Variants in PXK observed in about 807,000 individuals in gnomAD.
PXK encodes PX domain-containing protein kinase-like protein.
A neutral mutation model predicts 84.7 loss-of-function variants in PXK; 35 were observed. That is an observed-to-expected ratio of 0.41 (90% CI 0.32 to 0.55). PXK has a LOEUF of 0.55. Among genes scored for constraint, PXK ranks in the 20% least tolerant of loss-of-function variants. The pLI is 0.21. For missense variants in PXK, 634 were observed against 699.7 expected (o/e 0.91, Z 1.06); for synonymous variants, 253 against 260.8 (o/e 0.97, Z 0.29).
intron 1 of PXK, among the ~76,000 whole-genome samples, chr3:58,346,190 C>T (rs1237941611): frequency 6.6e-6 from 1 of 152,180 alleles, no homozygotes; most frequent in African/African-American, 2.4e-5. Context: ...TGTGGGGCCT[C>T]TTGGATGCCA....
chr3:58,406,685 G>C (rs1348994720), intron 13 of PXK, among the ~76,000 whole-genome samples: 1 of 152,178 alleles, frequency 6.6e-6, no homozygotes, highest in Non-Finnish European at 1.5e-5. Flanking sequence ...GGTCTCTAGA[G>C]CTTACAACCT....
At chr3:58,342,123 A>G (rs55870916) in intron 1 of PXK, among the ~76,000 whole-genome samples, 6,956 of 152,122 alleles carry the variant, frequency 0.046, 562 homozygotes, top group African/African-American at 0.16. Context: ...CCTGATTACC[A>G]AACTCCAAGA....
intron 3 of PXK, among the ~76,000 whole-genome samples, chr3:58,376,335 AACC>A (rs2098442030): frequency 6.6e-6 from 1 of 152,140 alleles, no homozygotes; most frequent in South Asian, 2.1e-4. Context: ...GAATTACTTG[AACC>A]CAGGAGGCGG....
intron 3 of PXK, among the ~76,000 whole-genome samples, chr3:58,376,593 T>C (rs1480354173): frequency 1.3e-5 from 2 of 152,252 alleles, no homozygotes; most frequent in Non-Finnish European, 1.5e-5. Flanking sequence ...TCAGGGAAGA[T>C]ACATCAGTTG....
At chr3:58,392,903 G>C (rs1027639917) in intron 7 of PXK, among the ~76,000 whole-genome samples, 1 of 151,918 alleles carries the variant, frequency 6.6e-6, no homozygotes, top group East Asian at 1.9e-4. Flanking sequence ...CTCATGATCC[G>C]CCTGCCTCGA....
At chr3:58,353,799 A>T (rs1345418233) in intron 1 of PXK, among the ~76,000 whole-genome samples, 1 of 152,182 alleles carries the variant, frequency 6.6e-6, no homozygotes, top group Non-Finnish European at 1.5e-5. Flanking sequence ...TTAGGTTATA[A>T]ACAGTCTGAC....
chr3:58,402,924 A>G (rs1216159919), intron 12 of PXK, among the ~76,000 whole-genome samples: 2 of 151,824 alleles, frequency 1.3e-5, no homozygotes, highest in Non-Finnish European at 2.9e-5. Flanking sequence ...CCAGTACGCA[A>G]TATTTAGTAT....
In PXK at chr3:58,375,387, G is replaced by A. The variant is rs142629993; in HGVS notation, c.201+5909G>A. Among the ~76,000 whole-genome samples the A allele has an allele frequency of 6.0e-3, 912 of 152,216 alleles. 10 individuals are homozygous for A. The highest frequency in any genetic ancestry group is 0.021 in the African/African-American group (860 of 41,540). On this transcript the variant is annotated intron_variant, in intron 3 of 17. Coordinates refer to ENST00000356151, the MANE Select transcript of PXK (RefSeq NM_017771.5). ...AGCACTGTAAACATTTCACAGTAGAGAAATAAAAATTAATGAACCAACCCA... is the reference window on the plus strand; with the variant it reads ...AGCACTGTAAACATTTCACAGTAGAAAAATAAAAATTAATGAACCAACCCA...
At position 58,379,814 on chromosome 3, in the gene PXK, C is replaced by T. The variant is rs1381085685; in HGVS notation, c.202-2700C>T. On this transcript the variant is annotated intron_variant, in intron 3 of 17. Coordinates refer to ENST00000356151, the MANE Select transcript of PXK (RefSeq NM_017771.5). The surrounding 1 kb of genome is among the most constrained non-coding windows in gnomAD (Gnocchi z 5.1). ...AGAAAAGCGAAATACAAAAATTAGT[C>T]GGGCATGGTGGTGCACATCTGTAGT... is the stretch of plus-strand genomic sequence containing the variant. 1.3e-5 allele frequency among the ~76,000 whole-genome samples: 2 copies of T among 151,920 alleles called. No individual in the cohort carries two copies. The highest frequency in any genetic ancestry group is 2.9e-5 in the Non-Finnish European group (2 of 67,992).
chr3:58,355,149 A>G (rs201779177), intron 1 of PXK, among the ~76,000 whole-genome samples: 1 of 113,090 alleles, frequency 8.8e-6, no homozygotes. Flanking sequence ...AAAAAAAAGA[A>G]AAAACAGAAG....
intron 13 of PXK, among the ~76,000 whole-genome samples, chr3:58,408,163 C>G (rs1201619258): frequency 6.6e-6 from 1 of 152,160 alleles, no homozygotes; most frequent in African/African-American, 2.4e-5. Context: ...GAACCCTTGT[C>G]AAAGATTATT....
chr3:58,373,321 C>A (rs1409364361), intron 3 of PXK, among the ~76,000 whole-genome samples: 1 of 152,104 alleles, frequency 6.6e-6, no homozygotes, highest in African/African-American at 2.4e-5. Flanking sequence ...GTGATCCGCC[C>A]ACCTTGGCCT....
At chr3:58,356,979 G>A (rs913364678) in intron 1 of PXK, among the ~76,000 whole-genome samples, 3 of 150,178 alleles carry the variant, frequency 2.0e-5, no homozygotes, top group African/African-American at 4.9e-5. Flanking sequence ...TTGGTATATC[G>A]AGCAATCTAG....
rs1329916041 is a variant in PXK, at chr3:58,399,420, T to C, written c.1181+43T>C. On this transcript the variant is annotated intron_variant, in intron 12 of 17. Coordinates refer to ENST00000356151, the MANE Select transcript of PXK (RefSeq NM_017771.5). This position sits in a 1 kb window ranked among gnomAD's most constrained non-coding sequence, Gnocchi z 4.3. ...GTTGGTTGTAATCTTGATAACTATG[T>C]TGAACACCAGACCACTGTGTCCAAG... is the stretch of plus-strand genomic sequence containing the variant. The C allele has an allele frequency of 1.1e-5, 17 of 1,560,144 alleles. No individual in the cohort carries two copies. The highest frequency in any genetic ancestry group is 1.3e-5 in the Non-Finnish European group (15 of 1,132,944).
At position 58,398,324 on chromosome 3, in the gene PXK, C is replaced by T. The variant is rs1028821286; in HGVS notation, c.1102+602C>T. ...GCTGAGGCACGAGAATTGCTTGAAC[C>T]CGCCTCTTGGGAGGTGGAGGTTGCA... On this transcript the variant is annotated intron_variant, in intron 11 of 17. Transcript: ENST00000356151. This position sits in a 1 kb window ranked among gnomAD's most constrained non-coding sequence, Gnocchi z 4.5. 6.6e-6 allele frequency among the ~76,000 whole-genome samples: 1 copy of T among 152,168 alleles called. No individual in the cohort carries two copies. Among genetic ancestry groups the T allele is most frequent in the African/African-American group, 2.4e-5 (1 of 41,434 alleles).
intron 1 of PXK, among the ~76,000 whole-genome samples, chr3:58,334,303 C>T (rs2097548442): frequency 6.6e-6 from 1 of 152,108 alleles, no homozygotes; most frequent in Non-Finnish European, 1.5e-5. Context: ...TTAAAAAGGG[C>T]TATTTATTTC....
intron 1 of PXK, among the ~76,000 whole-genome samples, chr3:58,365,403 T>C (rs898782044): frequency 6.6e-6 from 1 of 152,222 alleles, no homozygotes; most frequent in African/African-American, 2.4e-5. Context: ...CAGGATATGA[T>C]CTGTATTGGT....
At chr3:58,422,847 C>G in intron 17 of PXK, 1 of 985,430 alleles carries the variant, frequency 1.0e-6, no homozygotes, top group Non-Finnish European at 1.2e-6. Flanking sequence ...TCCCAAGTAC[C>G]GCCGCAGCCG....
rs1329253677 is a variant in PXK at position 58,399,536 on chromosome 3, CTTTG to C, written c.1181+165_1181+168del. 6.6e-6 allele frequency among the ~76,000 whole-genome samples: 1 copy of C among 152,216 alleles called. No individual in the cohort carries two copies. The highest frequency in any genetic ancestry group is 1.5e-5 in the Non-Finnish European group (1 of 68,050). On this transcript the variant is annotated intron_variant, in intron 12 of 17. Coordinates refer to ENST00000356151, the MANE Select transcript of PXK (RefSeq NM_017771.5). The surrounding 1 kb of genome is among the most constrained non-coding windows in gnomAD (Gnocchi z 4.3). ...GCACTTGCAGCATGATATCCTCACC[CTTTG>C]TTTGTGACCTCTGTGCTCTCCTGGT...
Sources: gnomAD v4.1 joint callset for allele counts (sites outside exome capture counted in the v4.1 genomes callset) on GRCh38, gnomAD v4.1.1 for gene constraint, Gnocchi (gnomAD v3.1) non-coding constraint, MANE v1.5 for transcripts, NCBI Gene and HGNC (gene_info 2026-07-23, HGNC 2026-07-21) for gene names.